Variants in FIP1L1 observed in about 807,000 individuals in gnomAD.
FIP1L1 encodes factor interacting with PAPOLA and CPSF1.
In FIP1L1, 21 loss-of-function variants were observed where a neutral mutation model predicts 84.6. The observed-to-expected ratio is 0.25, with a 90% CI of 0.18 to 0.36. The LOEUF is 0.36. FIP1L1 is among the 10% of genes least tolerant of loss of function. The probability of loss-of-function intolerance (pLI) is 1.00; values close to 1 mark genes in which losing one functional copy is unlikely to be tolerated. For missense variants in FIP1L1, 526 were observed against 751.1 expected, an observed-to-expected ratio of 0.70 and a Z score of 3.50; for synonymous variants, 263 against 242.3, an observed-to-expected ratio of 1.09 and a Z score of -0.80.
At chr4:53,458,464 C>T (rs1460837263) in intron 16 of FIP1L1, 189 bp from the exon 17 acceptor site, 1 of 460,042 alleles carries the variant, frequency 2.2e-6, no homozygotes, top group African/African-American at 2.0e-5. Flanking sequence ...ATTCTTAGCT[C>T]TAGTGCTATT....
chr4:53,385,131 GTAAA>G (rs1740233992), intron 5 of FIP1L1, among the ~76,000 whole-genome samples: 1 of 152,132 alleles, frequency 6.6e-6, no homozygotes. Context: ...ATTTGGGAAA[GTAAA>G]TAATTACTTA....
intron 1 of FIP1L1, 149 bp downstream of exon 1, chr4:53,378,072 C>G (rs1417206984): frequency 1.6e-5 from 10 of 626,028 alleles, no homozygotes; most frequent in Non-Finnish European, 2.5e-5. Context: ...GCGCGGCGTG[C>G]GCGTGCCCCC....
intron 10 of FIP1L1, among the ~76,000 whole-genome samples, chr4:53,406,846 G>A (rs1459747140): frequency 5.3e-5 from 8 of 151,616 alleles, no homozygotes; most frequent in African/African-American, 9.8e-5. Flanking sequence ...CTGTGGGATC[G>A]GTGGTGATAT....
At chr4:53,429,097 C>T (rs1468924938) in intron 13 of FIP1L1, among the ~76,000 whole-genome samples, 3 of 152,208 alleles carry the variant, frequency 2.0e-5, no homozygotes, top group Admixed American at 6.5e-5. Context: ...TCTGAATAGT[C>T]CTTCCCTAAC....
rs1743766895 is a variant in FIP1L1, at chr4:53,390,642, G to A, written c.505+14G>A. ...GGCGTAAACCTGGTAAGATTATTGTGGATTATATTAATTTCAATATTTTCA... is the reference window on the plus strand; with the variant it reads ...GGCGTAAACCTGGTAAGATTATTGTAGATTATATTAATTTCAATATTTTCA... On this transcript the variant is annotated intron_variant, in intron 7 of 17. Transcript: ENST00000337488. 6.6e-7 allele frequency: 1 copy of A among 1,516,750 alleles called. No individual in the cohort carries two copies. Among genetic ancestry groups the A allele is most frequent in the Non-Finnish European group, 9.0e-7 (1 of 1,109,058 alleles). The allele number at this position is 1,516,750 out of a possible 1,614,324, so 94.0% of individuals were successfully genotyped here. A position where few individuals can be genotyped will look rare whatever the true frequency, so the allele number is the denominator to read the frequency against.
intron 5 of FIP1L1, 58 bp from the exon 6 acceptor site, chr4:53,389,751 C>A: frequency 7.7e-7 from 1 of 1,301,992 alleles, no homozygotes; most frequent in Non-Finnish European, 1.1e-6. Flanking sequence ...GAATATATTA[C>A]TGTTTTGTTT....
chr4:53,444,022 TA>T, intron 14 of FIP1L1, 25 bp from the exon 15 acceptor site: 1 of 1,569,370 alleles, frequency 6.4e-7, no homozygotes, highest in Non-Finnish European at 8.8e-7. Flanking sequence ...GTACCAGACA[TA>T]AAAATATATC....
chr4:53,457,960 T>C (rs1275137552), intron 16 of FIP1L1, among the ~76,000 whole-genome samples: 1 of 152,042 alleles, frequency 6.6e-6, no homozygotes, highest in African/African-American at 2.4e-5. Flanking sequence ...AATCAGAAAA[T>C]GGAGATGCAG....
At chr4:53,441,577 A>G (rs1579023855) in intron 13 of FIP1L1, among the ~76,000 whole-genome samples, 1 of 152,090 alleles carries the variant, frequency 6.6e-6, no homozygotes, top group Admixed American at 6.5e-5. Context: ...GGAATTATAG[A>G]TCCTAACACT....
At chr4:53,440,849 A>G in intron 13 of FIP1L1, 1 of 449,536 alleles carries the variant, frequency 2.2e-6, no homozygotes, top group Non-Finnish European at 4.0e-6. Flanking sequence ...TACCTATTCA[A>G]TTTGTGAAGA....
At chr4:53,415,978 G>T (rs1759321560) in intron 11 of FIP1L1, among the ~76,000 whole-genome samples, 1 of 152,088 alleles carries the variant, frequency 6.6e-6, no homozygotes, top group Admixed American at 6.6e-5. Flanking sequence ...TTAAATCTAT[G>T]TATTATATAA....
At chr4:53,442,484 T>C in intron 13 of FIP1L1, 169 bp from the exon 14 acceptor site, 3 of 571,052 alleles carry the variant, frequency 5.3e-6, no homozygotes, top group Non-Finnish European at 6.3e-6. Flanking sequence ...TTTATTGCGC[T>C]AAAAATCTGT....
intron 16 of FIP1L1, among the ~76,000 whole-genome samples, chr4:53,454,650 G>A (rs1560589486): frequency 6.6e-6 from 1 of 152,050 alleles, no homozygotes; most frequent in Admixed American, 6.6e-5. Flanking sequence ...AGGCAGAGTC[G>A]ATTTACCATA....
intron 3 of FIP1L1, among the ~76,000 whole-genome samples, chr4:53,381,982 G>T (rs1738322425): frequency 6.6e-6 from 1 of 151,338 alleles, no homozygotes; most frequent in African/African-American, 2.4e-5. Context: ...TCTTGGCCAG[G>T]CTGGTCTTGA....
intron 5 of FIP1L1, among the ~76,000 whole-genome samples, chr4:53,387,215 G>A (rs1484289826): frequency 6.6e-6 from 1 of 152,174 alleles, no homozygotes; most frequent in African/African-American, 2.4e-5. Flanking sequence ...GTAGTCCCAT[G>A]GACTTGGGAG....
At chr4:53,449,010 A>T (rs532536044) in intron 15 of FIP1L1, among the ~76,000 whole-genome samples, 59 of 151,852 alleles carry the variant, frequency 3.9e-4, no homozygotes, top group African/African-American at 1.4e-3. Flanking sequence ...CTGAACTCTC[A>T]CTATAATTTG....
At chr4:53,404,464 A>G (rs28778298) in intron 10 of FIP1L1, among the ~76,000 whole-genome samples, 18,341 of 152,086 alleles carry the variant, frequency 0.12, 2,144 homozygotes, top group African/African-American at 0.29. Flanking sequence ...TAATGCTGCA[A>G]TAGACATACG....
intron 8 of FIP1L1, 57 bp from the exon 9 acceptor site, chr4:53,391,373 G>A: frequency 7.0e-7 from 1 of 1,428,284 alleles, no homozygotes; most frequent in Non-Finnish European, 9.8e-7. Context: ...GTCTTTATAT[G>A]GCCTATTAAT....
intron 10 of FIP1L1, among the ~76,000 whole-genome samples, chr4:53,409,397 C>G (rs891693567): frequency 1.4e-4 from 21 of 152,206 alleles, no homozygotes; most frequent in Non-Finnish European, 2.2e-4. Flanking sequence ...AGGTGTCAGT[C>G]TGCCCCTACT....
Sources: gnomAD v4.1 joint callset for allele counts (sites outside exome capture counted in the v4.1 genomes callset) on GRCh38, gnomAD v4.1.1 for gene constraint, MANE v1.5 for transcripts, NCBI Gene and HGNC (gene_info 2026-07-23, HGNC 2026-07-21) for gene names.